Variants in ATE1 observed in about 807,000 individuals in gnomAD.
ATE1 encodes the protein arginyl-tRNA--protein transferase 1.
Under a neutral mutation model 70.5 loss-of-function variants are expected in ATE1, and 36 were observed. The observed-to-expected ratio is 0.51, with a 90% CI of 0.39 to 0.67. The LOEUF (loss-of-function observed/expected upper bound fraction) is 0.67. Ranked by LOEUF, ATE1 falls within the 30% of genes least tolerant of loss-of-function variation. The probability of loss-of-function intolerance (pLI) is 0.00; values close to 1 mark genes in which losing one functional copy is unlikely to be tolerated. For missense variants in ATE1, 593 were observed against 629.5 expected, an observed-to-expected ratio of 0.94 and a Z score of 0.62; for synonymous variants, 232 against 219.3, an observed-to-expected ratio of 1.06 and a Z score of -0.51.
chr10:121,853,236 C>T (rs1458395691), intron 8 of ATE1, among the ~76,000 whole-genome samples: 4 of 151,390 alleles, frequency 2.6e-5, no homozygotes, highest in African/African-American at 4.9e-5. Flanking sequence ...TGGTGGCGGG[C>T]GCCTGTAGTC....
chr10:121,928,349 C>T, upstream of ATE1: 1 of 1,529,448 alleles, frequency 6.5e-7, no homozygotes, highest in Non-Finnish European at 8.8e-7. Flanking sequence ...ACACTCACCG[C>T]AGGACGCTTT....
intron 11 of ATE1, among the ~76,000 whole-genome samples, chr10:121,785,199 C>T (rs1276160904): frequency 2.0e-5 from 3 of 151,960 alleles, no homozygotes; most frequent in East Asian, 1.9e-4. Context: ...GATATGAAAA[C>T]GATTTTACCT....
At chr10:121,869,964 C>T in intron 8 of ATE1, 42 bp downstream of exon 8, 1 of 1,544,044 alleles carries the variant, frequency 6.5e-7, no homozygotes, top group Non-Finnish European at 8.9e-7. Context: ...CAATGGTGTT[C>T]AATTACCAAT....
intron 11 of ATE1, among the ~76,000 whole-genome samples, chr10:121,764,786 A>T (rs1945207605): frequency 1.3e-5 from 2 of 152,206 alleles, no homozygotes; most frequent in Non-Finnish European, 2.9e-5. Flanking sequence ...CTACCTGCAC[A>T]TTTACTGGAA....
chr10:121,857,221 G>C (rs975043175), intron 8 of ATE1, among the ~76,000 whole-genome samples: 3 of 152,152 alleles, frequency 2.0e-5, no homozygotes, highest in African/African-American at 7.2e-5. Context: ...CACCCAGGTA[G>C]TTAAGCCTAG....
chr10:121,836,638 C>T (rs1948443088), intron 10 of ATE1, 80 bp downstream of exon 10: 2 of 882,430 alleles, frequency 2.3e-6, no homozygotes, highest in East Asian at 5.4e-5. Flanking sequence ...AAGCTTCAAA[C>T]CCAGTGCCCT....
rs77196705 is a variant in ATE1, at chr10:121,751,157, A to C, written c.1379-7299T>G. On this transcript the variant is annotated intron_variant, in intron 11 of 11. Transcript: ENST00000224652. ...CCAGCTGAGAGAATTACGCATGTTC[A>C]TATTCTATAAAGTAATACTGTTGTA... 9.8e-4 allele frequency among the ~76,000 whole-genome samples: 150 copies of C among 152,360 alleles called. 4 individuals carry two copies. The East Asian group carries it at 0.026, about 26-fold the overall frequency.
intron 11 of ATE1, among the ~76,000 whole-genome samples, chr10:121,758,149 A>T (rs770844942): frequency 7.2e-5 from 11 of 151,732 alleles, no homozygotes; most frequent in Admixed American, 1.3e-4. Context: ...TAATTTTTTT[A>T]AAATTATCAA....
intron 11 of ATE1, among the ~76,000 whole-genome samples, chr10:121,749,756 T>G (rs993933220): frequency 2.0e-5 from 3 of 152,206 alleles, no homozygotes; most frequent in Admixed American, 2.0e-4. Flanking sequence ...AGTTTCCTCC[T>G]ACCCTCACCA....
At chr10:121,841,918 T>A (rs995380809) in intron 8 of ATE1, among the ~76,000 whole-genome samples, 4 of 151,710 alleles carry the variant, frequency 2.6e-5, no homozygotes, top group African/African-American at 9.7e-5. Context: ...ATAAAATAAA[T>A]AAAATAAAAA....
chr10:121,746,314 T>C (rs1229818697), intron 11 of ATE1, among the ~76,000 whole-genome samples: 2 of 152,194 alleles, frequency 1.3e-5, no homozygotes, highest in African/African-American at 2.4e-5. Context: ...CCTAGAACAC[T>C]ACCTAGCACA....
At chr10:121,790,819 C>T (rs1946401778) in intron 10 of ATE1, among the ~76,000 whole-genome samples, 1 of 151,970 alleles carries the variant, frequency 6.6e-6, no homozygotes, top group Admixed American at 6.6e-5. Context: ...TATAAGCAAT[C>T]TAAACTGATA....
At chr10:121,792,794 G>A (rs1320055904) in intron 10 of ATE1, among the ~76,000 whole-genome samples, 4 of 151,692 alleles carry the variant, frequency 2.6e-5, no homozygotes, top group East Asian at 1.9e-4. Context: ...CAAATCTGAC[G>A]GAAAAAAGGC....
chr10:121,848,343 G>T (rs1399675165), intron 8 of ATE1, among the ~76,000 whole-genome samples: 1 of 151,964 alleles, frequency 6.6e-6, no homozygotes, highest in African/African-American at 2.4e-5. Flanking sequence ...TCGGCTGGGT[G>T]TGGTGGCTCA....
At chr10:121,923,279 G>T (rs747514589) in intron 2 of ATE1, among the ~76,000 whole-genome samples, 12 of 152,142 alleles carry the variant, frequency 7.9e-5, no homozygotes, top group African/African-American at 2.9e-4. Context: ...AGACCAGCAC[G>T]GGCAACATAG....
intron 10 of ATE1, among the ~76,000 whole-genome samples, chr10:121,821,323 T>C (rs1435763069): frequency 6.6e-6 from 1 of 152,134 alleles, no homozygotes; most frequent in Non-Finnish European, 1.5e-5. Context: ...AGAAAACAAA[T>C]TGATAAGGTG....
At chr10:121,908,515 A>G (rs1207894239) in intron 5 of ATE1, among the ~76,000 whole-genome samples, 1 of 152,180 alleles carries the variant, frequency 6.6e-6, no homozygotes, top group African/African-American at 2.4e-5. Flanking sequence ...AAAAAAGAAC[A>G]TATCCTGCCT....
At chr10:121,914,314 C>T (rs1951556749) in intron 3 of ATE1, among the ~76,000 whole-genome samples, 1 of 152,080 alleles carries the variant, frequency 6.6e-6, no homozygotes, top group African/African-American at 2.4e-5. Flanking sequence ...ATCCACCTGC[C>T]TCGGCCTCCC....
chr10:121,927,903 G>A lies in ATE1; in HGVS notation c.47C>T (p.Pro16Leu), dbSNP rs1364832210. Residue 16 changes from proline (P) to leucine (L), a missense_variant, in exon 1 of 12, where the codon CCT becomes CTT. Transcript: ENST00000224652. Reference protein sequence around the residue: ...GGSPSVVDYFPSEDFYRCGYC... With the variant: ...GGSPSVVDYFLSEDFYRCGYC... ...GCCGCAGCGGTAGAAGTCCTCGCTA[G>A]GGAAATAGTCCACGACGCTGGGCGA... 35 of 1,593,212 alleles carry A rather than the reference G, an allele frequency of 2.2e-5. No individual in the cohort carries two copies. Among genetic ancestry groups the A allele is most frequent in the Non-Finnish European group, 3.0e-5 (35 of 1,172,476 alleles).
Sources: gnomAD v4.1 joint callset for allele counts (sites outside exome capture counted in the v4.1 genomes callset) on GRCh38, gnomAD v4.1.1 for gene constraint, MANE v1.5 for transcripts, NCBI Gene and HGNC (gene_info 2026-07-23, HGNC 2026-07-21) for gene names.